The following PTPRD variants were observed in gnomAD, a reference collection of about 807,000 sequenced individuals.
PTPRD encodes protein tyrosine phosphatase receptor type D, also known as receptor-type tyrosine-protein phosphatase delta.
In PTPRD, 34 loss-of-function variants were observed where a neutral mutation model predicts 214.5. That is an observed-to-expected ratio of 0.16 (90% CI 0.12 to 0.21). The LOEUF (loss-of-function observed/expected upper bound fraction) is 0.21, where lower values mean the gene tolerates loss of function less well. Among genes scored for constraint, PTPRD ranks in the 10% least tolerant of loss-of-function variants. PTPRD has a pLI of 1.00. For synonymous variants in PTPRD, 1,128 were observed against 845.7 expected, an observed-to-expected ratio of 1.33 and a Z score of -5.79; for missense variants, 2,545 against 2,398.7, an observed-to-expected ratio of 1.06 and a Z score of -1.27.
intron 3 of PTPRD, among the ~76,000 whole-genome samples, chr9:10,275,638 T>G (rs983360707): frequency 6.6e-6 from 1 of 152,192 alleles, no homozygotes; most frequent in African/African-American, 2.4e-5. Context: ...CAGTATCCAT[T>G]CCCTCTCTTT....
At chr9:9,222,977 C>T (rs79957152) in intron 9 of PTPRD, among the ~76,000 whole-genome samples, 3 of 152,082 alleles carry the variant, frequency 2.0e-5, no homozygotes, top group East Asian at 3.9e-4. Context: ...AGTATACAGT[C>T]CATATTACTA....
intron 9 of PTPRD, among the ~76,000 whole-genome samples, chr9:9,299,754 T>C (rs1448910689): frequency 6.6e-6 from 1 of 151,292 alleles, no homozygotes; most frequent in Non-Finnish European, 1.5e-5. Flanking sequence ...ATGGATAGAA[T>C]AGACACATAT....
At chr9:10,516,869 G>C (rs1319871192) in intron 2 of PTPRD, among the ~76,000 whole-genome samples, 1 of 151,730 alleles carries the variant, frequency 6.6e-6, no homozygotes, top group African/African-American at 2.4e-5. Flanking sequence ...CCTTGTGAAA[G>C]GTCAGTTGAC....
chr9:9,583,474 T>C lies in PTPRD; in HGVS notation c.-286-8693A>G, dbSNP rs142297731. On this transcript the variant is annotated intron_variant, in intron 7 of 45. Coordinates refer to ENST00000381196, the MANE Select transcript of PTPRD (RefSeq NM_002839.4). ...CGTCCTCTGAACCCTTTTTCATGAA[T>C]GACATTGTCATAATTTTCCTTAGTT... Among the ~76,000 whole-genome samples the C allele has an allele frequency of 1.4e-3, 207 of 152,170 alleles. 6 individuals are homozygous for C. The East Asian group carries it at 0.038, about 28-fold the overall frequency.
intron 25 of PTPRD, 60 bp from the exon 26 acceptor site, chr9:8,497,328 C>T: frequency 7.1e-7 from 1 of 1,408,104 alleles, no homozygotes. Flanking sequence ...AATTTAAAGC[C>T]TTATACAGGC....
intron 11 of PTPRD, among the ~76,000 whole-genome samples, chr9:8,878,014 G>A (rs2098409075): frequency 1.3e-5 from 2 of 152,148 alleles, no homozygotes; most frequent in African/African-American, 4.8e-5. Flanking sequence ...TCTTAAGGAG[G>A]TTGTCATTCT....
At chr9:8,677,449 C>A (rs753449184) in intron 12 of PTPRD, among the ~76,000 whole-genome samples, 3 of 152,104 alleles carry the variant, frequency 2.0e-5, no homozygotes, top group Admixed American at 1.3e-4. Context: ...CAAGTTCTCA[C>A]TTATAAACGG....
intron 14 of PTPRD, among the ~76,000 whole-genome samples, chr9:8,575,816 T>C (rs2092270574): frequency 6.6e-6 from 1 of 152,152 alleles, no homozygotes; most frequent in Non-Finnish European, 1.5e-5. Context: ...TGCATTAACT[T>C]AAATTTATTA....
At chr9:10,605,095 C>G (rs981068373) in intron 2 of PTPRD, among the ~76,000 whole-genome samples, 64 of 151,810 alleles carry the variant, frequency 4.2e-4, no homozygotes, top group African/African-American at 1.5e-3. Context: ...CACTACATTT[C>G]TAAACATTTA....
At chr9:9,661,536 T>C (rs1362855666) in intron 7 of PTPRD, among the ~76,000 whole-genome samples, 1 of 151,840 alleles carries the variant, frequency 6.6e-6, no homozygotes, top group Non-Finnish European at 1.5e-5. Flanking sequence ...TTAGACAATA[T>C]AGAATACTTA....
chr9:10,490,209 C>T (rs1346834225), intron 2 of PTPRD, among the ~76,000 whole-genome samples: 1 of 152,064 alleles, frequency 6.6e-6, no homozygotes, highest in Non-Finnish European at 1.5e-5. Flanking sequence ...AATTGGTAGA[C>T]AGGAGAAAAT....
intron 5 of PTPRD, among the ~76,000 whole-genome samples, chr9:9,935,512 C>T (rs1353600937): frequency 6.6e-6 from 1 of 152,072 alleles, no homozygotes; most frequent in Non-Finnish European, 1.5e-5. Flanking sequence ...AGGAATTCAA[C>T]TTACAAGGGA....
chr9:8,879,557 A>G (rs1277773810), intron 11 of PTPRD, among the ~76,000 whole-genome samples: 2 of 152,134 alleles, frequency 1.3e-5, no homozygotes, highest in African/African-American at 4.8e-5. Context: ...TTGTTATTTT[A>G]GTATTGGAGG....
chr9:9,238,888 T>G (rs1001815494), intron 9 of PTPRD, among the ~76,000 whole-genome samples: 3 of 152,176 alleles, frequency 2.0e-5, no homozygotes, highest in Admixed American at 2.0e-4. Context: ...TTGAATAAGC[T>G]TCTTAATTTT....
intron 9 of PTPRD, among the ~76,000 whole-genome samples, chr9:9,220,556 G>T (rs1183915942): frequency 6.6e-6 from 1 of 151,862 alleles, no homozygotes. Flanking sequence ...AAAAAGCAAG[G>T]GGATGCTCCA....
intron 5 of PTPRD, among the ~76,000 whole-genome samples, chr9:9,795,054 C>A (rs2098993327): frequency 6.6e-6 from 1 of 152,170 alleles, no homozygotes; most frequent in Non-Finnish European, 1.5e-5. Context: ...ACTCCCAAGC[C>A]CCTGGGAGGA....
At chr9:10,156,817 G>A (rs912825805) in intron 3 of PTPRD, among the ~76,000 whole-genome samples, 2 of 152,114 alleles carry the variant, frequency 1.3e-5, no homozygotes, top group African/African-American at 2.4e-5. Context: ...CTGAGTGCTC[G>A]TATGTTGAGT....
chr9:9,658,749 C>T (rs767933857), intron 7 of PTPRD, among the ~76,000 whole-genome samples: 18 of 152,146 alleles, frequency 1.2e-4, no homozygotes, highest in Non-Finnish European at 2.1e-4. Flanking sequence ...ACGGCCGGCA[C>T]TGCTGGGAAA....
chr9:9,168,171 A>G (rs542500311), intron 10 of PTPRD, among the ~76,000 whole-genome samples: 3 of 152,294 alleles, frequency 2.0e-5, no homozygotes, highest in African/African-American at 7.2e-5. Flanking sequence ...CTAAAATGGC[A>G]GAATTCACTA....
Sources: allele counts gnomAD v4.1 joint callset (sites outside exome capture counted in the v4.1 genomes callset), GRCh38; gene constraint gnomAD v4.1.1; transcripts MANE v1.5; gene names NCBI Gene and HGNC (gene_info 2026-07-23, HGNC 2026-07-21).